Variants in CSMD3 observed in about 807,000 individuals in gnomAD.
CSMD3 encodes CUB and Sushi multiple domains 3.
CSMD3 carries 177 observed loss-of-function variants against 435.2 expected under a neutral mutation model. The observed-to-expected ratio is 0.41, with a 90% CI of 0.36 to 0.46. The LOEUF (loss-of-function observed/expected upper bound fraction) is 0.46. Among genes scored for constraint, CSMD3 ranks in the 20% least tolerant of loss-of-function variants. The pLI is 0.34. For synonymous variants in CSMD3, 1,656 were observed against 1,520.5 expected (o/e 1.09, Z -2.07); for missense variants, 4,265 against 4,504.6 (o/e 0.95, Z 1.52).
chr8:113,107,275 A>T (rs951943785), intron 4 of CSMD3, among the ~76,000 whole-genome samples: 5 of 152,194 alleles, frequency 3.3e-5, no homozygotes, highest in Non-Finnish European at 7.3e-5. Context: ...GGCATTACAC[A>T]ATATGCCATG....
chr8:112,721,900 T>C (rs2076866333), intron 13 of CSMD3, among the ~76,000 whole-genome samples: 1 of 152,224 alleles, frequency 6.6e-6, no homozygotes, highest in East Asian at 1.9e-4. Flanking sequence ...ACACTACAAA[T>C]GCAAGAATAT....
intron 8 of CSMD3, among the ~76,000 whole-genome samples, chr8:112,952,267 A>C (rs1389155519): frequency 6.6e-6 from 1 of 151,628 alleles, no homozygotes; most frequent in Admixed American, 6.6e-5. Flanking sequence ...TAAAGGTGCC[A>C]TTATGAGACC....
In CSMD3 at chr8:112,374,917, T is replaced by C. The variant is rs1828801102; in HGVS notation, c.6136+5435A>G. On this transcript the variant is annotated intron_variant, in intron 38 of 70. Coordinates refer to ENST00000297405, the MANE Select transcript of CSMD3 (RefSeq NM_198123.2). ...CTCTTAAGAAGTGTCTAGGGATCATTTTGAACCCAAAGCATCGCTTTGCGA... is the reference window on the plus strand; with the variant it reads ...CTCTTAAGAAGTGTCTAGGGATCATCTTGAACCCAAAGCATCGCTTTGCGA... Among the ~76,000 whole-genome samples the C allele has an allele frequency of 2.0e-5, 3 of 152,200 alleles. No individual in the cohort carries two copies. In the South Asian group the frequency reaches 6.2e-4, roughly 31 times the overall value.
intron 3 of CSMD3, among the ~76,000 whole-genome samples, chr8:113,213,491 A>C (rs1237525680): frequency 6.6e-6 from 1 of 151,936 alleles, no homozygotes; most frequent in East Asian, 1.9e-4. Flanking sequence ...AACTTCACAG[A>C]AATTATTATT....
chr8:112,234,230 A>G, intron 68 of CSMD3, 135 bp downstream of exon 68: 1 of 568,398 alleles, frequency 1.8e-6, no homozygotes, highest in Non-Finnish European at 3.1e-6. Flanking sequence ...TTAGAATACT[A>G]AATATTTATA....
intron 3 of CSMD3, among the ~76,000 whole-genome samples, chr8:113,191,690 T>C (rs2131984356): frequency 6.6e-6 from 1 of 151,998 alleles, no homozygotes; most frequent in South Asian, 2.1e-4. Flanking sequence ...TTCCATGTCT[T>C]TCCTATTGTG....
chr8:112,494,418 TCTTTCTC>T (rs1429791408), intron 30 of CSMD3, among the ~76,000 whole-genome samples: 4 of 151,736 alleles, frequency 2.6e-5, no homozygotes, highest in Non-Finnish European at 4.4e-5. Flanking sequence ...TTCTTTTCTT[TCTTTCTC>T]TCTTTCTTTC....
In CSMD3 at chr8:113,253,392, C is replaced by T. The variant is rs147280529; in HGVS notation, c.514+25200G>A. On this transcript the variant is annotated intron_variant, in intron 3 of 70. Transcript: ENST00000297405. ...ATCCCTCCCTCCTCTCCCCACCCCA[C>T]GACAGGCCCCGGTGTGTGATGTTCC... 3.9e-3 allele frequency among the ~76,000 whole-genome samples: 589 copies of T among 152,154 alleles called. 1 individual carries two copies. The highest frequency in any genetic ancestry group is 0.011 in the African/African-American group (438 of 41,510).
chr8:112,647,710 G>T (rs2075021095), intron 19 of CSMD3, among the ~76,000 whole-genome samples: 1 of 152,030 alleles, frequency 6.6e-6, no homozygotes, highest in African/African-American at 2.4e-5. Flanking sequence ...CAGTAGCTTT[G>T]TATGTGACTG....
At chr8:113,386,376 C>T (rs563005458) in intron 1 of CSMD3, among the ~76,000 whole-genome samples, 11 of 151,752 alleles carry the variant, frequency 7.2e-5, no homozygotes, top group South Asian at 2.1e-4. Flanking sequence ...AAAATGAAGA[C>T]GAAAATATAT....
rs1232657161 is a variant in CSMD3, at chr8:112,645,014, C to T, written c.3310+95G>A. 6 of 787,628 alleles carry T rather than the reference C, an allele frequency of 7.6e-6. No homozygotes were observed. The East Asian group carries it at 1.5e-4, about 19-fold the overall frequency. 48.8% of individuals were successfully genotyped at this position (787,628 alleles called of 1,614,324 possible). A position where few individuals can be genotyped will look rare whatever the true frequency, so the allele number is the denominator to read the frequency against. ...ATATTGTAGTACTGATCTGTTTTTG[C>T]TCATGCAAAATAACATGTAAAGGAA... On this transcript the variant is annotated intron_variant, in intron 20 of 70. Transcript: ENST00000297405.
At chr8:113,151,101 A>C (rs191496221) in intron 4 of CSMD3, among the ~76,000 whole-genome samples, 26 of 152,114 alleles carry the variant, frequency 1.7e-4, no homozygotes, top group African/African-American at 5.8e-4. Context: ...TAGTAAAGTA[A>C]GTCAGTTGAA....
chr8:113,305,785 G>T (rs1455855599), intron 2 of CSMD3, among the ~76,000 whole-genome samples: 3 of 152,178 alleles, frequency 2.0e-5, no homozygotes, highest in Non-Finnish European at 4.4e-5. Context: ...AGTAAGTAAT[G>T]ATAACTAAAG....
chr8:113,392,753 T>C (rs893599739), intron 1 of CSMD3, among the ~76,000 whole-genome samples: 8 of 152,082 alleles, frequency 5.3e-5, no homozygotes, highest in African/African-American at 1.9e-4. Context: ...GAGTGATGAA[T>C]CTAATATTTT....
intron 10 of CSMD3, among the ~76,000 whole-genome samples, chr8:112,866,576 T>C (rs1157545835): frequency 1.3e-5 from 2 of 152,170 alleles, no homozygotes; most frequent in East Asian, 3.8e-4. Context: ...TTGCGGCATT[T>C]CCCTTTCTGT....
chr8:112,890,428 G>A (rs1351923329), intron 10 of CSMD3, among the ~76,000 whole-genome samples: 2 of 151,674 alleles, frequency 1.3e-5, no homozygotes, highest in South Asian at 2.1e-4. Flanking sequence ...ATTTCATCCT[G>A]ATGCCAGAAA....
chr8:112,958,317 A>T (rs1010619084), intron 7 of CSMD3, among the ~76,000 whole-genome samples: 1 of 152,150 alleles, frequency 6.6e-6, no homozygotes, highest in South Asian at 2.1e-4. Flanking sequence ...CATTTTTAAA[A>T]TTTTTCATTA....
intron 18 of CSMD3, among the ~76,000 whole-genome samples, chr8:112,650,947 C>G (rs200755959): frequency 9.1e-6 from 1 of 109,460 alleles, no homozygotes; most frequent in African/African-American, 3.5e-5. Context: ...GATATGGCTT[C>G]TCAACCTCGG....
chr8:112,944,220 C>T (rs1370144063), intron 9 of CSMD3, among the ~76,000 whole-genome samples: 2 of 151,648 alleles, frequency 1.3e-5, no homozygotes, highest in East Asian at 1.9e-4. Flanking sequence ...GCGTTACTAA[C>T]GTAAAAGTAT....
Sources: allele counts gnomAD v4.1 joint callset (sites outside exome capture counted in the v4.1 genomes callset), GRCh38; gene constraint gnomAD v4.1.1; transcripts MANE v1.5; gene names NCBI Gene and HGNC (gene_info 2026-07-23, HGNC 2026-07-21).